The following GPC6 variants were observed in gnomAD, a reference collection of about 807,000 sequenced individuals.
The protein encoded by GPC6 is glypican 6, also known as glypican-6.
GPC6 carries 14 observed loss-of-function variants against 55.2 expected under a neutral mutation model. The ratio of observed to expected loss-of-function variants is 0.25; its 90% CI spans 0.17 to 0.40. The LOEUF is 0.40. GPC6 is among the 10% of genes least tolerant of loss of function. The probability of loss-of-function intolerance (pLI) is 1.00; values close to 1 mark genes in which losing one functional copy is unlikely to be tolerated. For missense variants in GPC6, 641 were observed against 708.5 expected (o/e 0.90, Z 1.08); for synonymous variants, 278 against 259.6 (o/e 1.07, Z -0.68).
At chr13:93,473,772 C>A (rs1407627457) in intron 1 of GPC6, among the ~76,000 whole-genome samples, 1 of 152,184 alleles carries the variant, frequency 6.6e-6, no homozygotes, top group African/African-American at 2.4e-5. Context: ...CCAGGCCCAG[C>A]TCCACCTCCT....
At chr13:93,391,746 G>T (rs1875640372) in intron 1 of GPC6, among the ~76,000 whole-genome samples, 1 of 151,962 alleles carries the variant, frequency 6.6e-6, no homozygotes, top group African/African-American at 2.4e-5. Flanking sequence ...TTAAGATTTA[G>T]TGGCCTATAC....
intron 4 of GPC6, among the ~76,000 whole-genome samples, chr13:94,219,071 G>C (rs1471501254): frequency 2.6e-5 from 4 of 152,156 alleles, no homozygotes; most frequent in African/African-American, 9.7e-5. Flanking sequence ...AAGCATTACT[G>C]TGTATTGGTG....
Position 93,852,809 on chromosome 13 carries a change from A to G in GPC6, c.711+22264A>G, listed in dbSNP as rs961238590. On this transcript the variant is annotated intron_variant, in intron 3 of 8. Transcript: ENST00000377047. ...TGGATCTTCTGAATGGCTATGATCC[A>G]GTTTCCAATCTAGAGGGATATTTCA... 1.6e-4 allele frequency among the ~76,000 whole-genome samples: 24 copies of G among 151,760 alleles called. No individual in the cohort carries two copies. In the East Asian group the frequency reaches 2.7e-3, roughly 17 times the overall value.
rs541172950 is a variant in GPC6 at position 93,866,437 on chromosome 13, C to T, written c.711+35892C>T. ...AATGGGCGTATGTTCACCACAACGC[C>T]GTTCGCAATAGCAAAGACATGGAAT... is the stretch of plus-strand genomic sequence containing the variant. On this transcript the variant is annotated intron_variant, in intron 3 of 8. Coordinates refer to ENST00000377047, the MANE Select transcript of GPC6 (RefSeq NM_005708.5). Among the ~76,000 whole-genome samples the T allele has an allele frequency of 5.5e-4, 83 of 151,636 alleles. 3 individuals are homozygous for T. In the South Asian group the frequency reaches 0.017, roughly 31 times the overall value.
rs768601581 is a variant in GPC6, at chr13:93,368,337, TTTCCTTCCTTCCTTCCTTCC to T, written c.160+140754_160+140773del. Reference sequence around the variant, plus strand: ...CTTCCCTCCTTCCCTCCCTCCCTGCTTTCCTTCCTTCCTTCCTTCCTTCCTTCCTTCCTTCCTTCCTTCCT... The same window carrying T: ...CTTCCCTCCTTCCCTCCCTCCCTGCTTTCCTTCCTTCCTTCCTTCCTTCCT... On this transcript the variant is annotated intron_variant, in intron 1 of 8. Coordinates refer to ENST00000377047, the MANE Select transcript of GPC6 (RefSeq NM_005708.5). Among the ~76,000 whole-genome samples, 107 of 92,548 alleles carry T rather than the reference TTTCCTTCCTTCCTTCCTTCC, an allele frequency of 1.2e-3. 1 individual carries two copies. The East Asian group carries it at 0.012, about 10-fold the overall frequency. The allele number at this position is 92,548 out of a possible 152,430, so 60.7% of individuals were successfully genotyped here. A position where few individuals can be genotyped will look rare whatever the true frequency, so the allele number is the denominator to read the frequency against.
chr13:94,252,842 G>T (rs1303224043), intron 4 of GPC6, among the ~76,000 whole-genome samples: 1 of 151,902 alleles, frequency 6.6e-6, no homozygotes, highest in African/African-American at 2.4e-5. Context: ...ATAGAAATGG[G>T]ACTCAAGGAT....
intron 7 of GPC6, among the ~76,000 whole-genome samples, chr13:94,389,739 C>A (rs1408129772): frequency 6.6e-6 from 1 of 152,174 alleles, no homozygotes; most frequent in Admixed American, 6.5e-5. Context: ...TCTGATAGGA[C>A]ATAAATTATT....
intron 2 of GPC6, among the ~76,000 whole-genome samples, chr13:93,822,954 CCTGGGTTCAAGCAATT>C (rs1412046154): frequency 9.2e-5 from 14 of 151,636 alleles, no homozygotes; most frequent in African/African-American, 3.1e-4. Context: ...ACCTCTGCCT[CCTGGGTTCAAGCAATT>C]CTCTTGCTTC....
chr13:93,731,688 C>T (rs1409042407), intron 2 of GPC6, among the ~76,000 whole-genome samples: 1 of 151,926 alleles, frequency 6.6e-6, no homozygotes. Flanking sequence ...CATTGTACAT[C>T]TAGATATGAG....
intron 4 of GPC6, among the ~76,000 whole-genome samples, chr13:94,031,128 G>A (rs1432380700): frequency 6.6e-6 from 1 of 151,782 alleles, no homozygotes; most frequent in Non-Finnish European, 1.5e-5. Context: ...GTGTGTGTGT[G>A]TTCTTCGAAA....
chr13:94,015,803 G>A (rs1882443703), intron 3 of GPC6, among the ~76,000 whole-genome samples: 1 of 152,032 alleles, frequency 6.6e-6, no homozygotes, highest in African/African-American at 2.4e-5. Context: ...AAAATCAATT[G>A]GCCATAAATG....
intron 1 of GPC6, among the ~76,000 whole-genome samples, chr13:93,471,591 G>C (rs2590546): frequency 0.82 from 125,008 of 152,196 alleles, 51,453 homozygotes; most frequent in East Asian, 0.99. Flanking sequence ...TATTTTCATT[G>C]AGTTTAAAAT....
At chr13:93,237,577 C>T (rs1422309153) in intron 1 of GPC6, among the ~76,000 whole-genome samples, 1 of 152,094 alleles carries the variant, frequency 6.6e-6, no homozygotes, top group Non-Finnish European at 1.5e-5. Context: ...TTAATTAAGT[C>T]TAACTTATGT....
chr13:93,754,711 A>AC (rs1345305463), intron 2 of GPC6, among the ~76,000 whole-genome samples: 1 of 152,108 alleles, frequency 6.6e-6, no homozygotes, highest in Non-Finnish European at 1.5e-5. Flanking sequence ...TTAAAAAAAA[A>AC]AAACTAAAAT....
At chr13:94,164,337 A>G (rs981782783) in intron 4 of GPC6, among the ~76,000 whole-genome samples, 4 of 152,172 alleles carry the variant, frequency 2.6e-5, no homozygotes, top group Admixed American at 1.3e-4. Context: ...CTTTGTACCC[A>G]GCGAGGTAGA....
chr13:93,404,322 T>C (rs1177129740), intron 1 of GPC6, among the ~76,000 whole-genome samples: 1 of 152,068 alleles, frequency 6.6e-6, no homozygotes, highest in Non-Finnish European at 1.5e-5. Context: ...GAACCTATAA[T>C]TAAGAAAAAC....
chr13:93,300,493 A>G (rs1423922807), intron 1 of GPC6, among the ~76,000 whole-genome samples: 1 of 151,570 alleles, frequency 6.6e-6, no homozygotes. Flanking sequence ...CTAAAAATAC[A>G]AAAAATTAGC....
chr13:94,107,882 T>A (rs1025146488), intron 4 of GPC6, among the ~76,000 whole-genome samples: 8 of 151,970 alleles, frequency 5.3e-5, no homozygotes, highest in East Asian at 1.9e-4. Context: ...AAAAAAATTT[T>A]AAAAAATAGA....
At chr13:93,830,055 A>C (rs887997511) in intron 2 of GPC6, 99 bp from the exon 3 acceptor site, 20 of 780,784 alleles carry the variant, frequency 2.6e-5, no homozygotes, top group Non-Finnish European at 3.9e-5. Flanking sequence ...ATGTTTTTCC[A>C]TGAAAATGTC....
Sources: gnomAD v4.1 joint callset for allele counts (sites outside exome capture counted in the v4.1 genomes callset) on GRCh38, gnomAD v4.1.1 for gene constraint, MANE v1.5 for transcripts, NCBI Gene and HGNC (gene_info 2026-07-23, HGNC 2026-07-21) for gene names.